The following ATXN10 variants were observed in gnomAD, a reference collection of about 807,000 sequenced individuals.
The protein encoded by ATXN10 is ataxin 10.
A neutral mutation model predicts 52.9 loss-of-function variants in ATXN10; 28 were observed. The observed-to-expected ratio is 0.53, with a 90% CI of 0.39 to 0.73. The LOEUF (loss-of-function observed/expected upper bound fraction) is 0.73, where lower values mean the gene tolerates loss of function less well. Ranked by LOEUF, ATXN10 falls within the 30% of genes least tolerant of loss-of-function variation. ATXN10 has a pLI of 0.00. For synonymous variants in ATXN10, 226 were observed against 221.5 expected (o/e 1.02, Z -0.18); for missense variants, 565 against 577.0 (o/e 0.98, Z 0.21).
chr22:45,815,899 A>T (rs1260494456), intron 10 of ATXN10, among the ~76,000 whole-genome samples: 1 of 152,134 alleles, frequency 6.6e-6, no homozygotes, highest in Non-Finnish European at 1.5e-5. Flanking sequence ...TCTGTGTTGG[A>T]TACAAAATCT....
chr22:45,779,025 G>A (rs949692868), intron 9 of ATXN10, among the ~76,000 whole-genome samples: 1 of 152,132 alleles, frequency 6.6e-6, no homozygotes, highest in South Asian at 2.1e-4. Flanking sequence ...CGTTTGTAAA[G>A]TAAGGAGACT....
At chr22:45,741,754 A>G (rs1325822736) in intron 9 of ATXN10, among the ~76,000 whole-genome samples, 2 of 152,206 alleles carry the variant, frequency 1.3e-5, no homozygotes, top group African/African-American at 4.8e-5. Context: ...TGTTGGACTG[A>G]TCCTTCTTCA....
chr22:45,813,964 A>T (rs1373670248), intron 10 of ATXN10, among the ~76,000 whole-genome samples: 1 of 152,216 alleles, frequency 6.6e-6, no homozygotes, highest in Non-Finnish European at 1.5e-5. Context: ...TGAGAAAAGG[A>T]TGGTTTTTCT....
Position 45,750,789 on chromosome 22 carries a change from T to G in ATXN10, c.1173+10251T>G, listed in dbSNP as rs1925917653. On this transcript the variant is annotated intron_variant, in intron 9 of 11. Coordinates refer to ENST00000252934, the MANE Select transcript of ATXN10 (RefSeq NM_013236.4). The surrounding 1 kb of genome is among the most constrained non-coding windows in gnomAD (Gnocchi z 4.2). ...GAAGTTATACGAATTTACCATGTGA[T>G]AAGGATAATCCAGCAACCCGGGGAG... 6.6e-6 allele frequency among the ~76,000 whole-genome samples: 1 copy of G among 152,196 alleles called. No individual in the cohort carries two copies. The highest frequency in any genetic ancestry group is 2.4e-5 in the African/African-American group (1 of 41,450).
chr22:45,721,135 G>A (rs939690043), intron 6 of ATXN10, among the ~76,000 whole-genome samples: 5 of 152,094 alleles, frequency 3.3e-5, no homozygotes, highest in Non-Finnish European at 7.4e-5. Flanking sequence ...CAGATTACTC[G>A]GTGGGGAAAT....
rs1447252849 is a variant in ATXN10 at position 45,672,116 on chromosome 22, C to T, written c.53C>T (p.Ala18Val). The T allele has an allele frequency of 7.1e-6, 11 of 1,540,180 alleles. No homozygotes were observed. In the South Asian group the frequency reaches 8.3e-5, roughly 12 times the overall value. ...AGGCTGTCGGGCGTCATGGTGCCGG[C>T]GCCCATCCAAGACCTGGAGGCCCTG... ...PARLSGVMVPAPIQDLEALRA... is the reference protein window; with the variant it reads ...PARLSGVMVPVPIQDLEALRA... The change falls in exon 1 of 12, where the codon GCG becomes GTG. Residue 18 changes from alanine to valine, a missense_variant. Transcript: ENST00000252934.
At chr22:45,721,688 C>T (rs944925877) in intron 6 of ATXN10, among the ~76,000 whole-genome samples, 2 of 152,148 alleles carry the variant, frequency 1.3e-5, no homozygotes, top group African/African-American at 4.8e-5. Flanking sequence ...GTAGCATCAC[C>T]GTTATGTATA....
chr22:45,734,944 G>A (rs1170787534), intron 7 of ATXN10, among the ~76,000 whole-genome samples: 4 of 151,358 alleles, frequency 2.6e-5, no homozygotes, highest in South Asian at 2.1e-4. Flanking sequence ...GAATGCAGAG[G>A]TGTGGTCTTG....
At chr22:45,731,249 C>G (rs946462223) in intron 7 of ATXN10, among the ~76,000 whole-genome samples, 2 of 152,192 alleles carry the variant, frequency 1.3e-5, no homozygotes, top group Admixed American at 1.3e-4. Context: ...AACATGCTGG[C>G]TGATTCCATT....
chr22:45,774,024 T>C lies in ATXN10; in HGVS notation c.1174-32935T>C, dbSNP rs1022671260. 1.9e-4 allele frequency among the ~76,000 whole-genome samples: 29 copies of C among 152,158 alleles called. No homozygotes were observed. The highest frequency in any genetic ancestry group is 6.5e-4 in the Admixed American group (10 of 15,280). ...CTGTAGAAACAAATTGTAAGAAACA[T>C]GAAGCCATCAAAACAGCCCCTCTTC... On this transcript the variant is annotated intron_variant, in intron 9 of 11. Transcript: ENST00000252934. This position sits in a 1 kb window ranked among gnomAD's most constrained non-coding sequence, Gnocchi z 6.2.
Position 45,671,908 on chromosome 22 carries a change from A to T in ATXN10, c.-156A>T. The T allele has an allele frequency of 1.3e-6, 1 of 782,268 alleles. No homozygotes were observed. Among genetic ancestry groups the T allele is most frequent in the Non-Finnish European group, 1.9e-6 (1 of 514,702 alleles). 48.5% of individuals were successfully genotyped at this position (782,268 alleles called of 1,614,324 possible). A position where few individuals can be genotyped will look rare whatever the true frequency, so the allele number is the denominator to read the frequency against. ...TCCGGCGGCGGCGCAGCTTCAGGGC[A>T]GCGCGGGCTGCAGCGGCGGCGGCGG... On this transcript the variant is annotated 5_prime_UTR_variant, in exon 1 of 12. Coordinates refer to ENST00000252934, the MANE Select transcript of ATXN10 (RefSeq NM_013236.4).
At chr22:45,809,890 T>G (rs1928225121) in intron 10 of ATXN10, among the ~76,000 whole-genome samples, 1 of 152,246 alleles carries the variant, frequency 6.6e-6, no homozygotes, top group Non-Finnish European at 1.5e-5. Flanking sequence ...ATTTTCTTTA[T>G]AGTTTCTTTT....
chr22:45,716,149 T>C (rs922366020), intron 5 of ATXN10, among the ~76,000 whole-genome samples: 1 of 152,098 alleles, frequency 6.6e-6, no homozygotes, highest in Non-Finnish European at 1.5e-5. Flanking sequence ...CGTGTAGTTC[T>C]ATCTACTTGA....
chr22:45,841,953 C>T lies in ATXN10; in HGVS notation c.1238-1038C>T, dbSNP rs953834534. Among the ~76,000 whole-genome samples, 13 of 152,126 alleles carry T rather than the reference C, an allele frequency of 8.5e-5. No individual in the cohort carries two copies. Among genetic ancestry groups the T allele is most frequent in the Non-Finnish European group, 1.3e-4 (9 of 68,014 alleles). ...CCCTGGTTCTGGCATTGGCAGTGCC[C>T]GAGTGGGAAGCATCTGATAATCATC... is the stretch of plus-strand genomic sequence containing the variant. On this transcript the variant is annotated intron_variant, in intron 10 of 11. Coordinates refer to ENST00000252934, the MANE Select transcript of ATXN10 (RefSeq NM_013236.4). The surrounding 1 kb of genome is among the most constrained non-coding windows in gnomAD (Gnocchi z 5.1).
chr22:45,754,415 C>T lies in ATXN10; in HGVS notation c.1173+13877C>T, dbSNP rs150979910. 2.6e-5 allele frequency among the ~76,000 whole-genome samples: 4 copies of T among 152,300 alleles called. No individual in the cohort carries two copies. The highest frequency in any genetic ancestry group is 9.6e-5 in the African/African-American group (4 of 41,568). ...TGATGACAGCAGTCACAGTGACCTT[C>T]CATGAATGCCTCCTGCATGTGCTTG... On this transcript the variant is annotated intron_variant, in intron 9 of 11. Transcript: ENST00000252934. This position sits in a 1 kb window ranked among gnomAD's most constrained non-coding sequence, Gnocchi z 5.4.
At chr22:45,809,308 T>C (rs1157172169) in intron 10 of ATXN10, among the ~76,000 whole-genome samples, 1 of 152,070 alleles carries the variant, frequency 6.6e-6, no homozygotes, top group African/African-American at 2.4e-5. Context: ...ATTCACTCTT[T>C]CCCCCCCTTT....
At position 45,789,442 on chromosome 22, in the gene ATXN10, C is replaced by G. The variant is rs982651809; in HGVS notation, c.1174-17517C>G. ...TGCAAGGATGAGTGGAAACATGGCT[C>G]TTGTCATTGAAAGCCCCAGAGTCTA... On this transcript the variant is annotated intron_variant, in intron 9 of 11. Coordinates refer to ENST00000252934, the MANE Select transcript of ATXN10 (RefSeq NM_013236.4). This position sits in a 1 kb window ranked among gnomAD's most constrained non-coding sequence, Gnocchi z 4.0. Among the ~76,000 whole-genome samples the G allele has an allele frequency of 9.9e-5, 15 of 152,138 alleles. No homozygotes were observed. The highest frequency in any genetic ancestry group is 2.6e-4 in the Admixed American group (4 of 15,270).
chr22:45,830,056 A>G (rs1928938331), intron 10 of ATXN10, among the ~76,000 whole-genome samples: 1 of 152,244 alleles, frequency 6.6e-6, no homozygotes, highest in South Asian at 2.1e-4. Flanking sequence ...GAATCCAGAG[A>G]TAAATCTCCA....
chr22:45,672,665 T>C (rs1353163987), intron 1 of ATXN10: 1 of 152,578 alleles, frequency 6.6e-6, no homozygotes, highest in Non-Finnish European at 1.5e-5. Flanking sequence ...TCCTCGGCGT[T>C]AGAGCCCAGG....
Sources: allele counts gnomAD v4.1 joint callset (sites outside exome capture counted in the v4.1 genomes callset), GRCh38; gene constraint gnomAD v4.1.1; non-coding constraint Gnocchi (gnomAD v3.1); transcripts MANE v1.5; gene names NCBI Gene and HGNC (gene_info 2026-07-23, HGNC 2026-07-21).